The following TRAPPC12 variants were observed in gnomAD, a reference collection of about 807,000 sequenced individuals.
TRAPPC12 encodes TPR repeat protein 15.
In TRAPPC12, 61 loss-of-function variants were observed where a neutral mutation model predicts 69.2. The observed-to-expected ratio is 0.88, with a 90% CI of 0.72 to 1.09. TRAPPC12 has a LOEUF of 1.09. TRAPPC12 is among the 50% of genes least tolerant of loss of function. TRAPPC12 has a pLI of 0.00. For synonymous variants in TRAPPC12, 469 were observed against 438.9 expected (o/e 1.07, Z -0.86); for missense variants, 1,101 against 1,016.4 (o/e 1.08, Z -1.13).
chr2:3,382,519 A>G (rs1000107869), intron 1 of TRAPPC12, among the ~76,000 whole-genome samples: 8 of 152,202 alleles, frequency 5.3e-5, no homozygotes, highest in Non-Finnish European at 8.8e-5. Context: ...GCTCATGTAC[A>G]GGAATTCCTC....
At chr2:3,415,189 C>T (rs193241242) in intron 3 of TRAPPC12, among the ~76,000 whole-genome samples, 164 of 152,316 alleles carry the variant, frequency 1.1e-3, no homozygotes, top group Non-Finnish European at 1.7e-3. Flanking sequence ...GCTCCCCTTT[C>T]GGTGGGAACT....
At chr2:3,476,731 C>G (rs184306714) in intron 9 of TRAPPC12, among the ~76,000 whole-genome samples, 43 of 152,356 alleles carry the variant, frequency 2.8e-4, no homozygotes, top group Non-Finnish European at 5.1e-4. Flanking sequence ...TAAGAGTTAA[C>G]TAGGCTGCTC....
chr2:3,386,739 T>TC (rs1660511364), intron 1 of TRAPPC12, among the ~76,000 whole-genome samples: 1 of 152,016 alleles, frequency 6.6e-6, no homozygotes, highest in Non-Finnish European at 1.5e-5. Flanking sequence ...CATGGGGAAG[T>TC]CAAGAGACTA....
intron 1 of TRAPPC12, among the ~76,000 whole-genome samples, chr2:3,383,007 G>A (rs986114863): frequency 2.0e-5 from 3 of 152,190 alleles, no homozygotes; most frequent in Admixed American, 6.5e-5. Flanking sequence ...AAATCAAGAT[G>A]TATAGTTATC....
At chr2:3,390,499 T>C (rs979087911) in intron 2 of TRAPPC12, among the ~76,000 whole-genome samples, 10 of 152,202 alleles carry the variant, frequency 6.6e-5, no homozygotes, top group Non-Finnish European at 1.2e-4. Flanking sequence ...AAGCCCGTTA[T>C]TAGGAGGCTT....
chr2:3,467,580 G>A (rs1423698434), intron 9 of TRAPPC12: 1 of 152,226 alleles, frequency 6.6e-6, no homozygotes, highest in Non-Finnish European at 1.5e-5. Context: ...GTTCCGGCTT[G>A]GGCAGGTCAG....
At chr2:3,475,729 G>A (rs1450400621) in intron 9 of TRAPPC12, among the ~76,000 whole-genome samples, 2 of 152,184 alleles carry the variant, frequency 1.3e-5, no homozygotes, top group African/African-American at 4.8e-5. Context: ...GCGTTGGACA[G>A]CCTGGGTGTT....
chr2:3,434,775 G>T (rs1327176114), intron 5 of TRAPPC12, among the ~76,000 whole-genome samples: 2 of 152,198 alleles, frequency 1.3e-5, no homozygotes, highest in Non-Finnish European at 2.9e-5. Context: ...GATGAATTGG[G>T]ATTAGGGAAT....
chr2:3,476,041 T>C (rs1313515146), intron 9 of TRAPPC12, among the ~76,000 whole-genome samples: 1 of 152,206 alleles, frequency 6.6e-6, no homozygotes, highest in Admixed American at 6.5e-5. Context: ...TCGGTTTCTT[T>C]TTAGTCCGCA....
chr2:3,382,780 T>C (rs1207896516), intron 1 of TRAPPC12, among the ~76,000 whole-genome samples: 1 of 152,064 alleles, frequency 6.6e-6, no homozygotes, highest in East Asian at 1.9e-4. Context: ...CAAAAATAGC[T>C]GAGTGTGGTG....
chr2:3,389,670 T>TG (rs1360628346), intron 2 of TRAPPC12: 2 of 467,610 alleles, frequency 4.3e-6, no homozygotes, highest in Non-Finnish European at 8.8e-6. Flanking sequence ...CCGAAGGGGG[T>TG]GGGGGATGGA....
At position 3,383,955 on chromosome 2, in the gene TRAPPC12, G is replaced by C. The variant is rs564013360; in HGVS notation, c.-4-3665G>C. On this transcript the variant is annotated intron_variant, in intron 1 of 11. Transcript: ENST00000324266. ...CTGTTGCCCAGGCTGGAGCACAGTG[G>C]TGCGATCTCGGCTCACTGCAACCTC... Among the ~76,000 whole-genome samples, 8 of 130,580 alleles carry C rather than the reference G, an allele frequency of 6.1e-5. No individual in the cohort carries two copies. The East Asian group carries it at 2.0e-3, about 33-fold the overall frequency. The allele number at this position is 130,580 out of a possible 152,430, so 85.7% of individuals were successfully genotyped here.
intron 3 of TRAPPC12, among the ~76,000 whole-genome samples, chr2:3,412,133 A>G (rs995706471): frequency 3.3e-5 from 5 of 152,226 alleles, no homozygotes; most frequent in Admixed American, 2.0e-4. Context: ...TTGCATGCCA[A>G]GTGCCACACT....
In TRAPPC12 at chr2:3,479,228, A is replaced by G. The variant is rs1277933908; in HGVS notation, c.1975A>G (p.Asn659Asp). ...GTGTGCTCCTCCCTAGGCCAACAAC[A>G]ACGCTGCCGTGTGTCTGCTCTACCT... ...MDPRNAVANN[N>D]AAVCLLYLGK... The change falls in exon 12 of 12, where the codon AAC becomes GAC. Residue 659 changes from asparagine to aspartate, a missense_variant. By Grantham distance (23) the Asn-to-Asp change is conservative (BLOSUM62 1). Coordinates refer to ENST00000324266, the MANE Select transcript of TRAPPC12 (RefSeq NM_016030.6). 1 of 1,613,422 alleles carries G rather than the reference A, an allele frequency of 6.2e-7. No individual in the cohort carries two copies. The highest frequency in any genetic ancestry group is 1.7e-5 in the Admixed American group (1 of 60,000).
chr2:3,380,696 T>C (rs955746221), intron 1 of TRAPPC12, among the ~76,000 whole-genome samples: 4 of 152,202 alleles, frequency 2.6e-5, no homozygotes, highest in African/African-American at 9.6e-5. Context: ...TATTACACAG[T>C]GTTACTCATT....
chr2:3,448,620 A>G (rs565825052), intron 6 of TRAPPC12, among the ~76,000 whole-genome samples: 1 of 131,638 alleles, frequency 7.6e-6, no homozygotes, highest in African/African-American at 3.3e-5. Context: ...TAGGGCGTCT[A>G]GAGCAGCCGG....
At chr2:3,478,540 A>G (rs1666397441) in intron 10 of TRAPPC12, among the ~76,000 whole-genome samples, 1 of 152,260 alleles carries the variant, frequency 6.6e-6, no homozygotes, top group South Asian at 2.1e-4. Context: ...AGGCTGAGGC[A>G]GGAGAGTTGC....
chr2:3,462,344 C>T (rs562022403), intron 8 of TRAPPC12, among the ~76,000 whole-genome samples: 65 of 152,268 alleles, frequency 4.3e-4, no homozygotes, highest in Non-Finnish European at 7.9e-4. Context: ...GAAAGTTCAG[C>T]TTAAGCTTTC....
intron 6 of TRAPPC12, among the ~76,000 whole-genome samples, chr2:3,448,619 T>G (rs4971507): frequency 0.12 from 12,210 of 99,846 alleles, 658 homozygotes; most frequent in Middle Eastern, 0.27. Context: ...GTAGGGCGTC[T>G]AGAGCAGCCG....
Sources: allele counts gnomAD v4.1 joint callset (sites outside exome capture counted in the v4.1 genomes callset), GRCh38; gene constraint gnomAD v4.1.1; transcripts MANE v1.5; gene names NCBI Gene and HGNC (gene_info 2026-07-23, HGNC 2026-07-21).